Variants in ZDHHC3 observed in about 807,000 individuals in gnomAD.
The protein encoded by ZDHHC3 is palmitoyltransferase ZDHHC3.
In ZDHHC3, 9 loss-of-function variants were observed where a neutral mutation model predicts 30.6. The observed-to-expected ratio is 0.29, with a 90% CI of 0.18 to 0.51. ZDHHC3 has a LOEUF of 0.51. ZDHHC3 is among the 20% of genes least tolerant of loss of function. ZDHHC3 has a pLI of 0.97. For missense variants in ZDHHC3, 246 were observed against 384.2 expected (o/e 0.64, Z 3.01); for synonymous variants, 136 against 140.2 (o/e 0.97, Z 0.21).
rs751578128 is a variant in ZDHHC3 at position 44,926,676 on chromosome 3, C to T, written c.*13G>A. 32 of 1,575,920 alleles carry T rather than the reference C, an allele frequency of 2.0e-5. No individual in the cohort carries two copies. The highest frequency in any genetic ancestry group is 7.8e-5 in the Admixed American group (4 of 50,966). On this transcript the variant is annotated 3_prime_UTR_variant, in exon 7 of 7. Coordinates refer to ENST00000424952, the MANE Select transcript of ZDHHC3 (RefSeq NM_001135179.2). ...TGGACTTGTGTCTGAGTGGCCATGCCGGTCGGGGTCCTTCAGACCACATAC... is the reference window on the plus strand; with the variant it reads ...TGGACTTGTGTCTGAGTGGCCATGCTGGTCGGGGTCCTTCAGACCACATAC...
Position 44,917,303 on chromosome 3 carries a change from G to C in ZDHHC3, c.*9386C>G. On this transcript the variant is annotated 3_prime_UTR_variant, in exon 7 of 7. Transcript: ENST00000424952. Reference sequence around the variant, plus strand: ...CCATGCCTGGCCCTTGCAGGTAGATGTGGCAGCCACCTCTACCTCCTAATT... The same window carrying C: ...CCATGCCTGGCCCTTGCAGGTAGATCTGGCAGCCACCTCTACCTCCTAATT... 1 of 162,088 alleles carries C rather than the reference G, an allele frequency of 6.2e-6. No homozygotes were observed. The highest frequency in any genetic ancestry group is 5.6e-5 in the Admixed American group (1 of 17,950). The allele number at this position is 162,088 out of a possible 1,614,324, so 10.0% of individuals were successfully genotyped here. A position where few individuals can be genotyped will look rare whatever the true frequency, so the allele number is the denominator to read the frequency against.
At chr3:44,935,794 A>G (rs1322308090) in intron 3 of ZDHHC3, among the ~76,000 whole-genome samples, 2 of 152,304 alleles carry the variant, frequency 1.3e-5, no homozygotes, top group East Asian at 3.9e-4. Flanking sequence ...ATGGTACTGG[A>G]GATAACTGGC....
chr3:44,967,199 C>T (rs1429038611), intron 1 of ZDHHC3, among the ~76,000 whole-genome samples: 4 of 152,250 alleles, frequency 2.6e-5, no homozygotes, highest in East Asian at 1.9e-4. Context: ...TCCTTCTTGC[C>T]TCATAACTGA....
rs1187760007 is a variant in ZDHHC3, at chr3:44,928,354, C to T, written c.741+952G>A. Among the ~76,000 whole-genome samples, 6 of 152,132 alleles carry T rather than the reference C, an allele frequency of 3.9e-5. No individual in the cohort carries two copies. In the South Asian group the frequency reaches 6.2e-4, roughly 16 times the overall value. On this transcript the variant is annotated intron_variant, in intron 6 of 6. Coordinates refer to ENST00000424952, the MANE Select transcript of ZDHHC3 (RefSeq NM_001135179.2). ...CCTCCTCTAAGCCCACAGGGGAAGG[C>T]GCCCAGCAGCAGTGGGAGGATGTTG...
intron 1 of ZDHHC3, chr3:44,969,936 A>G (rs1705273522): frequency 6.6e-6 from 1 of 152,260 alleles, no homozygotes; most frequent in Non-Finnish European, 1.5e-5. Context: ...GAGACCTATC[A>G]GCAAAGGTTC....
In ZDHHC3 at chr3:44,919,205, C is replaced by T. The variant is rs903783743; in HGVS notation, c.*7484G>A. On this transcript the variant is annotated 3_prime_UTR_variant, in exon 7 of 7. Transcript: ENST00000424952. ...TTAATAGCAGGGAAGAAACATTGCA[C>T]GTACCACCTTCACCCAATGATCAAA... 6.7e-5 allele frequency: 40 copies of T among 592,804 alleles called. No individual in the cohort carries two copies. The highest frequency in any genetic ancestry group is 4.3e-4 in the African/African-American group (21 of 48,962). The allele number at this position is 592,804 out of a possible 1,614,324, so 36.7% of individuals were successfully genotyped here.
Position 44,922,203 on chromosome 3 carries a change from T to C in ZDHHC3, c.*4486A>G, listed in dbSNP as rs1482342799. The C allele has an allele frequency of 1.7e-5, 17 of 985,360 alleles. 1 individual carries two copies. The East Asian group carries it at 1.9e-3, about 112-fold the overall frequency. The allele number at this position is 985,360 out of a possible 1,614,324, so 61.0% of individuals were successfully genotyped here. A position where few individuals can be genotyped will look rare whatever the true frequency, so the allele number is the denominator to read the frequency against. On this transcript the variant is annotated 3_prime_UTR_variant, in exon 7 of 7. Transcript: ENST00000424952. ...TTAAAGAATACAAGAAAAAGCCACA[T>C]GGGTGTTGAAACCCACACGTAGAAA...
chr3:44,954,959 G>A (rs1038747107), intron 2 of ZDHHC3, among the ~76,000 whole-genome samples: 3 of 152,198 alleles, frequency 2.0e-5, no homozygotes, highest in Non-Finnish European at 4.4e-5. Context: ...TCAAGAGGCT[G>A]CCTCCTCAGG....
In ZDHHC3 at chr3:44,918,518, G is replaced by A; in HGVS notation, c.*8171C>T. 1.0e-6 allele frequency: 1 copy of A among 985,442 alleles called. No individual in the cohort carries two copies. Among genetic ancestry groups the A allele is most frequent in the Non-Finnish European group, 1.2e-6 (1 of 829,934 alleles). The allele number at this position is 985,442 out of a possible 1,614,324, so 61.0% of individuals were successfully genotyped here. On this transcript the variant is annotated 3_prime_UTR_variant, in exon 7 of 7. Transcript: ENST00000424952. ...TAAGGGGGACCACACATCCTCTGAG[G>A]CCACTACAAACTGGTGATCCCCTCC...
In ZDHHC3 at chr3:44,976,114, C is replaced by G. The variant is rs1000487909; in HGVS notation, c.-206G>C. 2.6e-5 allele frequency: 13 copies of G among 495,440 alleles called. No individual in the cohort carries two copies. The highest frequency in any genetic ancestry group is 4.3e-5 in the Non-Finnish European group (13 of 299,320). The allele number at this position is 495,440 out of a possible 1,614,324, so 30.7% of individuals were successfully genotyped here. The stretch of plus-strand genomic sequence containing the variant: ...ACACCGGGCGGCGCGCAGGAGAAGC[C>G]CATCGAGCTCTCCCGGCAGTGGCGG... On this transcript the variant is annotated 5_prime_UTR_variant, in exon 1 of 7. Transcript: ENST00000424952.
intron 2 of ZDHHC3, among the ~76,000 whole-genome samples, chr3:44,948,028 C>T (rs1314373204): frequency 2.0e-5 from 3 of 152,342 alleles, no homozygotes; most frequent in East Asian, 3.9e-4. Context: ...CCCTCCATGA[C>T]CCCTGTGTCA....
At position 44,922,499 on chromosome 3, in the gene ZDHHC3, G is replaced by A. The variant is rs72863173; in HGVS notation, c.*4190C>T. 67,265 of 985,296 alleles carry A rather than the reference G, an allele frequency of 0.068. 2,609 individuals are homozygous for A. Among genetic ancestry groups the A allele is most frequent in the African/African-American group, 0.14 (8,277 of 57,286 alleles). 61.0% of individuals were successfully genotyped at this position (985,296 alleles called of 1,614,324 possible). On this transcript the variant is annotated 3_prime_UTR_variant, in exon 7 of 7. Coordinates refer to ENST00000424952, the MANE Select transcript of ZDHHC3 (RefSeq NM_001135179.2). ...TTGGCAGTTGTTTGTTGGGGAGGCC[G>A]CAGCTTATGAGGGAAGGCAGTCTCA...
At chr3:44,951,116 A>T (rs1262718554) in intron 2 of ZDHHC3, among the ~76,000 whole-genome samples, 1 of 152,224 alleles carries the variant, frequency 6.6e-6, no homozygotes, top group African/African-American at 2.4e-5. Context: ...ACATATTCTT[A>T]AAGTCTTTTC....
At chr3:44,975,055 T>A (rs1575982251) in intron 1 of ZDHHC3, among the ~76,000 whole-genome samples, 1 of 56,102 alleles carries the variant, frequency 1.8e-5, no homozygotes, top group Non-Finnish European at 3.4e-5. Context: ...ATAAATACCA[T>A]TTTTTTTTTT....
chr3:44,958,592 A>ATATTC, intron 2 of ZDHHC3: 1 of 1,536,122 alleles, frequency 6.5e-7, no homozygotes, highest in South Asian at 1.2e-5. Flanking sequence ...ATTCACCAAG[A>ATATTC]GGCACTTGCT....
chr3:44,938,649 G>C (rs1252485110), intron 3 of ZDHHC3, among the ~76,000 whole-genome samples: 1 of 152,186 alleles, frequency 6.6e-6, no homozygotes, highest in African/African-American at 2.4e-5. Context: ...AATGGCAGGT[G>C]GATGCTGGAG....
intron 1 of ZDHHC3, among the ~76,000 whole-genome samples, chr3:44,964,973 A>C (rs1432401271): frequency 1.3e-5 from 2 of 151,262 alleles, no homozygotes; most frequent in East Asian, 2.0e-4. Context: ...AAGCCTGGGG[A>C]GGGGCGGGGG....
At chr3:44,934,070 T>G (rs1484063315) in intron 3 of ZDHHC3, 86 bp from the exon 4 acceptor site, 4 of 1,289,256 alleles carry the variant, frequency 3.1e-6, no homozygotes, top group Non-Finnish European at 4.5e-6. Flanking sequence ...TGGCTCCTGC[T>G]CCACTCCTCT....
intron 2 of ZDHHC3, among the ~76,000 whole-genome samples, chr3:44,956,757 C>A (rs968334310): frequency 1.3e-5 from 2 of 152,106 alleles, no homozygotes; most frequent in Admixed American, 1.3e-4. Context: ...CACTGCAATA[C>A]CTCTAGTCCC....
Sources: allele counts gnomAD v4.1 joint callset (sites outside exome capture counted in the v4.1 genomes callset), GRCh38; gene constraint gnomAD v4.1.1; transcripts MANE v1.5; gene names NCBI Gene and HGNC (gene_info 2026-07-23, HGNC 2026-07-21).